GLG1: variants seen among roughly 807,000 people sequenced by gnomAD.
GLG1 encodes the protein golgi glycoprotein 1.
Under a neutral mutation model 160.5 loss-of-function variants are expected in GLG1, and 38 were observed. The ratio of observed to expected loss-of-function variants is 0.24; its 90% confidence interval spans 0.18 to 0.31. GLG1 has a LOEUF of 0.31. GLG1 is among the 10% of genes least tolerant of loss of function. The pLI is 1.00. For synonymous variants in GLG1, 644 were observed against 543.4 expected (o/e 1.19, Z -2.57); for missense variants, 1,373 against 1,505.2 (o/e 0.91, Z 1.45).
intron 21 of GLG1, 24 bp from the exon 22 acceptor site, chr16:74,462,219 CA>C (rs965675573): frequency 1.6e-6 from 2 of 1,242,866 alleles, no homozygotes; most frequent in African/African-American, 3.0e-5. Context: ...AGGGAGGATA[CA>C]TGGGCTGATC....
intron 11 of GLG1, among the ~76,000 whole-genome samples, chr16:74,479,398 C>T (rs891089638): frequency 6.7e-6 from 1 of 148,966 alleles, no homozygotes; most frequent in Admixed American, 6.7e-5. Flanking sequence ...AGAAAGATGC[C>T]GGGATGTGGG....
chr16:74,548,502 C>T (rs1247817113), intron 1 of GLG1, among the ~76,000 whole-genome samples: 1 of 152,184 alleles, frequency 6.6e-6, no homozygotes, highest in Non-Finnish European at 1.5e-5. Flanking sequence ...TAGGCATTCA[C>T]TGGCATTCCA....
intron 1 of GLG1, among the ~76,000 whole-genome samples, chr16:74,582,902 ATC>A (rs1324747312): frequency 6.6e-6 from 1 of 152,080 alleles, no homozygotes; most frequent in Non-Finnish European, 1.5e-5. Context: ...AAGGTATTCT[ATC>A]TCTTTTACCA....
At chr16:74,489,241 C>T (rs1441396324) in intron 8 of GLG1, among the ~76,000 whole-genome samples, 5 of 151,950 alleles carry the variant, frequency 3.3e-5, no homozygotes, top group South Asian at 2.1e-4. Flanking sequence ...GAGGCTGAGG[C>T]GGGAAGATCA....
intron 1 of GLG1, among the ~76,000 whole-genome samples, chr16:74,541,706 C>T (rs541332580): frequency 2.4e-4 from 37 of 152,246 alleles, no homozygotes; most frequent in African/African-American, 8.7e-4. Flanking sequence ...ACAACAAAAA[C>T]GTTACTGCTA....
intron 2 of GLG1, among the ~76,000 whole-genome samples, chr16:74,512,544 G>A (rs925843374): frequency 2.0e-5 from 3 of 152,044 alleles, no homozygotes; most frequent in Non-Finnish European, 2.9e-5. Context: ...AATTACAGAC[G>A]TGAGTCATCG....
chr16:74,566,928 G>GC (rs1256287621), intron 1 of GLG1, among the ~76,000 whole-genome samples: 1 of 152,060 alleles, frequency 6.6e-6, no homozygotes, highest in Non-Finnish European at 1.5e-5. Context: ...AACACATATT[G>GC]CTAAGATGTG....
chr16:74,515,288 G>A (rs927605577), intron 2 of GLG1, among the ~76,000 whole-genome samples: 6 of 151,874 alleles, frequency 4.0e-5, no homozygotes, highest in Non-Finnish European at 7.4e-5. Flanking sequence ...GCTCTGGAGC[G>A]GGCAGACCTA....
chr16:74,558,576 C>G (rs1049965305), intron 1 of GLG1, among the ~76,000 whole-genome samples: 1 of 152,240 alleles, frequency 6.6e-6, no homozygotes, highest in Non-Finnish European at 1.5e-5. Flanking sequence ...TCCATGGATA[C>G]ACACACATTT....
intron 1 of GLG1, among the ~76,000 whole-genome samples, chr16:74,550,426 T>C (rs1051471885): frequency 6.6e-6 from 1 of 152,038 alleles, no homozygotes; most frequent in Non-Finnish European, 1.5e-5. Flanking sequence ...CTCAGCTTCA[T>C]GCCTGGCAAT....
In GLG1 at chr16:74,480,851, C is replaced by T. The variant is rs141533401; in HGVS notation, c.1674-457G>A. Among the ~76,000 whole-genome samples, 11 of 152,172 alleles carry T rather than the reference C, an allele frequency of 7.2e-5. No homozygotes were observed. The East Asian group carries it at 1.9e-3, about 27-fold the overall frequency. ...ACAGGCATAAGGCACTGCACCCAGC[C>T]GTGAATTTTGTTCTTAATGAACACA... On this transcript the variant is annotated intron_variant, in intron 10 of 25. Transcript: ENST00000422840.
intron 1 of GLG1, among the ~76,000 whole-genome samples, chr16:74,577,393 G>A (rs1293103328): frequency 6.6e-6 from 1 of 151,788 alleles, no homozygotes; most frequent in African/African-American, 2.4e-5. Context: ...GTGGTGGCAG[G>A]CACCTGTAAT....
At position 74,494,815 on chromosome 16, in the gene GLG1, C is replaced by G. The variant is rs2016127896; in HGVS notation, c.995G>C (p.Gly332Ala). 1 of 1,488,414 alleles carries G rather than the reference C, an allele frequency of 6.7e-7. No homozygotes were observed. The highest frequency in any genetic ancestry group is 1.1e-5 in the South Asian group (1 of 88,436). 92.2% of individuals were successfully genotyped at this position (1,488,414 alleles called of 1,614,324 possible). The change falls in exon 6 of 26, where the codon GGC becomes GCC. Residue 332 changes from glycine to alanine, a missense_variant. This residue lies in a region of GLG1 where 174 missense variants were observed against 229.9 expected (regional missense o/e 0.76). Coordinates refer to ENST00000422840, the MANE Select transcript of GLG1 (RefSeq NM_001145667.2). ...RFCENTQAGEGRVYKCLFNHK... is the reference protein window; with the variant it reads ...RFCENTQAGEARVYKCLFNHK... ...GTTAAAGAGGCACTTATACACTCTG[C>G]CCTCACCAGCTTGTGTCTATAAGAT...
intron 19 of GLG1, 83 bp from the exon 20 acceptor site, chr16:74,463,562 C>A (rs574240566): frequency 1.5e-6 from 2 of 1,379,078 alleles, no homozygotes; most frequent in African/African-American, 1.4e-5. Flanking sequence ...TTTCTGGAGA[C>A]GGAGTCTCAC....
intron 2 of GLG1, 22 bp from the exon 3 acceptor site, chr16:74,508,947 AAAAC>A (rs769484356): frequency 6.5e-6 from 6 of 924,118 alleles, no homozygotes; most frequent in Non-Finnish European, 1.0e-5. Context: ...AGGAAAAAAA[AAAAC>A]AAAGAAAAAC....
intron 1 of GLG1, among the ~76,000 whole-genome samples, chr16:74,571,150 A>G (rs150749937): frequency 8.5e-5 from 13 of 152,256 alleles, no homozygotes; most frequent in African/African-American, 3.1e-4. Context: ...ACAGCAAGCT[A>G]GATGATGAGA....
chr16:74,467,483 T>G (rs2015042526), intron 18 of GLG1, among the ~76,000 whole-genome samples: 2 of 152,218 alleles, frequency 1.3e-5, no homozygotes, highest in Non-Finnish European at 2.9e-5. Context: ...GAAGGATCAT[T>G]AGGAGCTTAC....
chr16:74,582,591 C>A (rs1267675958), intron 1 of GLG1, among the ~76,000 whole-genome samples: 1 of 151,996 alleles, frequency 6.6e-6, no homozygotes, highest in African/African-American at 2.4e-5. Context: ...GAGGCCAAGG[C>A]AGGCGGATCA....
intron 18 of GLG1, 66 bp from the exon 19 acceptor site, chr16:74,465,879 G>T (rs974494513): frequency 7.3e-6 from 10 of 1,371,508 alleles, no homozygotes; most frequent in Middle Eastern, 1.8e-4. Context: ...TGTTCTGATT[G>T]AAACATTCAG....
Sources: gnomAD v4.1 joint callset for allele counts (sites outside exome capture counted in the v4.1 genomes callset) on GRCh38, gnomAD v4.1.1 for gene constraint, gnomAD v4.1.1 regional missense constraint, MANE v1.5 for transcripts, NCBI Gene and HGNC (gene_info 2026-07-23, HGNC 2026-07-21) for gene names.